Variants in ANKRD12 observed in about 807,000 individuals in gnomAD.
The protein encoded by ANKRD12 is ankyrin repeat domain 12, also known as ankyrin repeat domain-containing protein 12.
In ANKRD12, 85 loss-of-function variants were observed where a neutral mutation model predicts 183.4. The ratio of observed to expected loss-of-function variants is 0.46; its 90% CI spans 0.39 to 0.56. The LOEUF is 0.56. ANKRD12 is among the 20% of genes least tolerant of loss of function. The pLI is 0.00. For synonymous variants in ANKRD12, 914 were observed against 800.2 expected (o/e 1.14, Z -2.40); for missense variants, 2,405 against 2,357.1 (o/e 1.02, Z -0.42).
Position 9,270,080 on chromosome 18 carries a change from T to G in ANKRD12, c.5764-5444T>G, listed in dbSNP as rs576961548. On this transcript the variant is annotated intron_variant, in intron 10 of 12. Coordinates refer to ENST00000262126, the MANE Select transcript of ANKRD12 (RefSeq NM_015208.5). ...ACAATGAGATACCATCTCACACCAG[T>G]TAGAATGGCGATCATTAAAAAGTCA... is the stretch of plus-strand genomic sequence containing the variant. 6.3e-3 allele frequency among the ~76,000 whole-genome samples: 965 copies of G among 152,304 alleles called. 7 individuals carry two copies. The highest frequency in any genetic ancestry group is 0.017 in the Middle Eastern group (5 of 294).
chr18:9,255,183 C>T lies in ANKRD12; in HGVS notation c.1916C>T (p.Thr639Ile), dbSNP rs746097218. The T allele has an allele frequency of 9.6e-6, 15 of 1,566,326 alleles. No individual in the cohort carries two copies. In the Admixed American group the frequency reaches 2.4e-4, roughly 25 times the overall value. ...HSPTFENSDC[T>I]LKKMDKEGKT... Reference sequence around the variant, plus strand: ...CCAACATTTGAAAATTCAGATTGCACACTGAAAAAAATGGATAAAGAAGGT... The same window carrying T: ...CCAACATTTGAAAATTCAGATTGCATACTGAAAAAAATGGATAAAGAAGGT... The change falls in exon 9 of 13, where the codon ACA becomes ATA. Residue 639 changes from threonine to isoleucine, a missense_variant. Physicochemically the swap from Thr to Ile is moderately conservative, Grantham distance 89. Around this residue, in one of 7 missense-constraint regions of ANKRD12, gnomAD observed 1,983 missense variants for 1,725.9 expected, o/e 1.15. Coordinates refer to ENST00000262126, the MANE Select transcript of ANKRD12 (RefSeq NM_015208.5).
intron 4 of ANKRD12, among the ~76,000 whole-genome samples, chr18:9,208,209 G>T (rs965443409): frequency 1.3e-5 from 2 of 152,088 alleles, no homozygotes; most frequent in Admixed American, 6.6e-5. Flanking sequence ...TATTTAGCTC[G>T]TTGGAAGTTT....
chr18:9,208,832 G>GTATCCC, intron 5 of ANKRD12, 29 bp downstream of exon 5: 1 of 1,465,848 alleles, frequency 6.8e-7, no homozygotes, highest in Non-Finnish European at 9.1e-7. Flanking sequence ...GAGTTAATGT[G>GTATCCC]TATCCCTAGT....
intron 2 of ANKRD12, among the ~76,000 whole-genome samples, chr18:9,186,074 A>G (rs2034029242): frequency 6.6e-6 from 1 of 151,390 alleles, no homozygotes; most frequent in African/African-American, 2.4e-5. Flanking sequence ...TGTACTTTTC[A>G]TGTATCTTTT....
chr18:9,138,255 A>G lies in ANKRD12; in HGVS notation c.-52+1290A>G, dbSNP rs768525866. On this transcript the variant is annotated intron_variant, in intron 1 of 12. Coordinates refer to ENST00000262126, the MANE Select transcript of ANKRD12 (RefSeq NM_015208.5). Reference sequence around the variant, plus strand: ...CAGCCGGGCGCGGTGGCTCATGCCTATAATCCCAGCACTTTGGGAGGCCGA... The same window carrying G: ...CAGCCGGGCGCGGTGGCTCATGCCTGTAATCCCAGCACTTTGGGAGGCCGA... 1.1e-4 allele frequency among the ~76,000 whole-genome samples: 16 copies of G among 152,242 alleles called. 1 individual carries two copies. Among genetic ancestry groups the G allele is most frequent in the Non-Finnish European group, 1.6e-4 (11 of 68,044 alleles).
intron 1 of ANKRD12, among the ~76,000 whole-genome samples, chr18:9,173,617 G>GGT (rs1331953560): frequency 1.9e-4 from 17 of 90,920 alleles, no homozygotes; most frequent in African/African-American, 7.7e-4. Flanking sequence ...GTGGGGTGGT[G>GGT]GGGGGGGGGT....
Position 9,280,972 on chromosome 18 carries a change from C to T in ANKRD12, c.6035C>T (p.Ala2012Val), listed in dbSNP as rs1243212425. The part of the protein sequence containing the change: ...TCLLMRQQHE[A>V]AALNAVQRLE... ...CTTTTAATGAGGCAACAACATGAAG[C>T]TGCGGCTTTAAATGCTGTCCAGAGG... The change falls in exon 13 of 13, where the codon GCT becomes GTT. Residue 2012 changes from alanine to valine, a missense_variant. Coordinates refer to ENST00000262126, the MANE Select transcript of ANKRD12 (RefSeq NM_015208.5). 1 of 1,613,530 alleles carries T rather than the reference C, an allele frequency of 6.2e-7. No homozygotes were observed.
chr18:9,213,829 G>A (rs570768338), intron 6 of ANKRD12, among the ~76,000 whole-genome samples: 12 of 151,828 alleles, frequency 7.9e-5, no homozygotes, highest in African/African-American at 2.9e-4. Flanking sequence ...AGAAAATATT[G>A]TATCAACAGA....
At chr18:9,260,591 G>T (rs1033792277) in intron 9 of ANKRD12, among the ~76,000 whole-genome samples, 1 of 152,178 alleles carries the variant, frequency 6.6e-6, no homozygotes, top group African/African-American at 2.4e-5. Flanking sequence ...TCTTGGAGGG[G>T]TTCCAAGAGT....
intron 1 of ANKRD12, among the ~76,000 whole-genome samples, chr18:9,155,362 C>T (rs1341968006): frequency 6.6e-6 from 1 of 152,110 alleles, no homozygotes; most frequent in African/African-American, 2.4e-5. Flanking sequence ...TTTGTTTAAC[C>T]AGGTATAAAT....
In ANKRD12 at chr18:9,256,020, A is replaced by G. The variant is rs1029265056; in HGVS notation, c.2753A>G (p.Lys918Arg). ...DRKHDKEKPE[K>R]ERHLAESKEK... Reference sequence around the variant, plus strand: ...AAACATGACAAAGAAAAGCCTGAAAAAGAGAGGCATCTAGCAGAAAGCAAA... The same window carrying G: ...AAACATGACAAAGAAAAGCCTGAAAGAGAGAGGCATCTAGCAGAAAGCAAA... The change falls in exon 9 of 13, where the codon AAA becomes AGA. Residue 918 changes from lysine to arginine, a missense_variant. Lys to Arg is a conservative substitution (Grantham distance 26). This residue lies in a region of ANKRD12 where 1,983 missense variants were observed against 1,725.9 expected (regional missense o/e 1.15). Transcript: ENST00000262126. The G allele has an allele frequency of 4.2e-5, 65 of 1,561,546 alleles. No individual in the cohort carries two copies. Among genetic ancestry groups the G allele is most frequent in the Non-Finnish European group, 5.4e-5 (63 of 1,162,608 alleles).
chr18:9,196,146 C>CACACAT (rs1286538119), intron 3 of ANKRD12, among the ~76,000 whole-genome samples: 3 of 121,404 alleles, frequency 2.5e-5, no homozygotes, highest in East Asian at 5.0e-4. Flanking sequence ...CACACACACA[C>CACACAT]ACACATTGAG....
At chr18:9,219,745 C>T (rs993633227) in intron 7 of ANKRD12, among the ~76,000 whole-genome samples, 2 of 149,686 alleles carry the variant, frequency 1.3e-5, no homozygotes, top group African/African-American at 5.0e-5. Context: ...AACACAGAAT[C>T]CTAGAAAGAA....
intron 1 of ANKRD12, among the ~76,000 whole-genome samples, chr18:9,155,909 C>T (rs1333214451): frequency 2.0e-5 from 3 of 151,904 alleles, no homozygotes; most frequent in East Asian, 3.9e-4. Flanking sequence ...CTGAGGTGGG[C>T]GGATCGCTTG....
At chr18:9,273,836 G>A (rs2039714787) in intron 10 of ANKRD12, among the ~76,000 whole-genome samples, 2 of 152,164 alleles carry the variant, frequency 1.3e-5, no homozygotes, top group Admixed American at 1.3e-4. Flanking sequence ...CACTGTGCCT[G>A]GCCAGCATAT....
chr18:9,185,302 A>T (rs1461599611), intron 2 of ANKRD12, among the ~76,000 whole-genome samples: 1 of 152,210 alleles, frequency 6.6e-6, no homozygotes, highest in Non-Finnish European at 1.5e-5. Flanking sequence ...GCTATTTGAT[A>T]AAATATAAGT....
chr18:9,180,994 T>G (rs1194139298), intron 1 of ANKRD12, among the ~76,000 whole-genome samples: 4 of 152,218 alleles, frequency 2.6e-5, no homozygotes, highest in Non-Finnish European at 5.9e-5. Context: ...CTCATAACTT[T>G]AACTCCATAA....
In ANKRD12 at chr18:9,281,360, T is replaced by G; in HGVS notation, c.*234T>G. 1 of 356,592 alleles carries G rather than the reference T, an allele frequency of 2.8e-6. No individual in the cohort carries two copies. Among genetic ancestry groups the G allele is most frequent in the Non-Finnish European group, 5.0e-6 (1 of 201,292 alleles). 22.1% of individuals were successfully genotyped at this position (356,592 alleles called of 1,614,324 possible). Reference sequence around the variant, plus strand: ...TTATTTATATTGGGAAAGGTAACTATTGCATTAGAGCATGTTGGCAGACTG... The same window carrying G: ...TTATTTATATTGGGAAAGGTAACTAGTGCATTAGAGCATGTTGGCAGACTG... On this transcript the variant is annotated 3_prime_UTR_variant, in exon 13 of 13. Coordinates refer to ENST00000262126, the MANE Select transcript of ANKRD12 (RefSeq NM_015208.5).
At chr18:9,205,057 A>G (rs952115065) in intron 4 of ANKRD12, among the ~76,000 whole-genome samples, 2 of 152,198 alleles carry the variant, frequency 1.3e-5, no homozygotes, top group African/African-American at 4.8e-5. Flanking sequence ...ATTTAACTAT[A>G]ACTGAATTAA....
Sources: allele counts gnomAD v4.1 joint callset (sites outside exome capture counted in the v4.1 genomes callset), GRCh38; gene constraint gnomAD v4.1.1; regional missense constraint gnomAD v4.1.1; transcripts MANE v1.5; gene names NCBI Gene and HGNC (gene_info 2026-07-23, HGNC 2026-07-21).